The following PITPNB variants were observed in gnomAD, a reference collection of about 807,000 sequenced individuals.
PITPNB encodes phosphatidylinositol transfer protein beta isoform.
PITPNB carries 16 observed loss-of-function variants against 45.9 expected under a neutral mutation model. That is an observed-to-expected ratio of 0.35 (90% CI 0.24 to 0.53). The LOEUF is 0.53. Ranked by LOEUF, PITPNB falls within the 20% of genes least tolerant of loss-of-function variation. The pLI, the probability that PITPNB is intolerant of heterozygous loss-of-function variation, is 0.93. For synonymous variants in PITPNB, 112 were observed against 108.9 expected (o/e 1.03, Z -0.18); for missense variants, 188 against 330.5 (o/e 0.57, Z 3.34).
At chr22:27,918,812 C>T (rs1328744192) in intron 1 of PITPNB, among the ~76,000 whole-genome samples, 3 of 152,194 alleles carry the variant, frequency 2.0e-5, no homozygotes, top group Non-Finnish European at 4.4e-5. Context: ...CGGACTGCGG[C>T]TCCTTCCCAC....
chr22:27,857,214 A>G (rs1467249532), intron 10 of PITPNB, among the ~76,000 whole-genome samples: 1 of 152,202 alleles, frequency 6.6e-6, no homozygotes, highest in African/African-American at 2.4e-5. Context: ...TCTCTATGGG[A>G]AAATATGTTC....
intron 8 of PITPNB, among the ~76,000 whole-genome samples, chr22:27,872,935 T>C (rs574918545): frequency 2.6e-5 from 4 of 152,362 alleles, no homozygotes. Context: ...TGACATTACC[T>C]TACTTCCATG....
intron 1 of PITPNB, 161 bp downstream of exon 1, chr22:27,919,011 C>T (rs1601439804): frequency 3.9e-6 from 4 of 1,021,530 alleles, no homozygotes; most frequent in Non-Finnish European, 6.0e-6. Flanking sequence ...GGGGCGCACT[C>T]GCTGAGGGGC....
At chr22:27,860,051 A>G (rs767348189) in intron 9 of PITPNB, 80 bp downstream of exon 9, 31 of 776,018 alleles carry the variant, frequency 4.0e-5, no homozygotes, top group Non-Finnish European at 6.0e-5. Flanking sequence ...AAAAAAAGTA[A>G]TAACAGAGAA....
chr22:27,889,824 T>C (rs1362357636), intron 7 of PITPNB, among the ~76,000 whole-genome samples: 2 of 152,246 alleles, frequency 1.3e-5, no homozygotes, highest in Non-Finnish European at 2.9e-5. Flanking sequence ...ATTACCGTTT[T>C]AGAATAGCAA....
Position 27,919,209 on chromosome 22 carries a change from A to G in PITPNB, c.-18T>C, listed in dbSNP as rs1174136164. The G allele has an allele frequency of 7.5e-6, 12 of 1,609,788 alleles. No homozygotes were observed. Among genetic ancestry groups the G allele is most frequent in the Non-Finnish European group, 9.3e-6 (11 of 1,177,316 alleles). ...AGCACCATCTTCCCGGAACCCCCTCACAGCTGCCGCCGATACCACCGCCGC... is the reference window on the plus strand; with the variant it reads ...AGCACCATCTTCCCGGAACCCCCTCGCAGCTGCCGCCGATACCACCGCCGC... On this transcript the variant is annotated 5_prime_UTR_variant, in exon 1 of 12. Coordinates refer to ENST00000335272, the MANE Select transcript of PITPNB (RefSeq NM_012399.5).
Position 27,901,068 on chromosome 22 carries a change from A to G in PITPNB, c.198-3176T>C, listed in dbSNP as rs567527226. Among the ~76,000 whole-genome samples the G allele has an allele frequency of 5.7e-4, 86 of 152,012 alleles. 1 individual carries two copies. The South Asian group carries it at 0.018, about 31-fold the overall frequency. Reference sequence around the variant, plus strand: ...ACTATTCACAAAATGGTGCTCCCTCATGATAAACCAATACTCGGAACAGCG... The same window carrying G: ...ACTATTCACAAAATGGTGCTCCCTCGTGATAAACCAATACTCGGAACAGCG... On this transcript the variant is annotated intron_variant, in intron 3 of 11. Transcript: ENST00000335272.
chr22:27,889,097 C>A (rs1226555637), intron 7 of PITPNB, among the ~76,000 whole-genome samples: 1 of 152,192 alleles, frequency 6.6e-6, no homozygotes, highest in Non-Finnish European at 1.5e-5. Flanking sequence ...TAACGACAAG[C>A]AAGCACAACT....
At chr22:27,867,372 T>A (rs566380051) in intron 8 of PITPNB, among the ~76,000 whole-genome samples, 5 of 152,248 alleles carry the variant, frequency 3.3e-5, no homozygotes, top group Admixed American at 2.6e-4. Context: ...GGAAGTCCCA[T>A]CTGGTGGGGT....
At position 27,856,056 on chromosome 22, in the gene PITPNB, G is replaced by C. The variant is rs111882246; in HGVS notation, c.769-1117C>G. On this transcript the variant is annotated intron_variant, in intron 10 of 11. Transcript: ENST00000335272. Reference sequence around the variant, plus strand: ...CAGCAGCATCTTGATTCTGTGTGTGGAACCAAGCACTCCCCAATGACCTAC... The same window carrying C: ...CAGCAGCATCTTGATTCTGTGTGTGCAACCAAGCACTCCCCAATGACCTAC... Among the ~76,000 whole-genome samples the C allele has an allele frequency of 8.2e-4, 125 of 152,228 alleles. 1 individual carries two copies. Among genetic ancestry groups the C allele is most frequent in the African/African-American group, 2.7e-3 (114 of 41,546 alleles).
intron 3 of PITPNB, among the ~76,000 whole-genome samples, chr22:27,898,484 A>G (rs1442427093): frequency 6.6e-6 from 1 of 151,866 alleles, no homozygotes; most frequent in Non-Finnish European, 1.5e-5. Context: ...CTACTACCCC[A>G]ATGTAAAACC....
intron 8 of PITPNB, among the ~76,000 whole-genome samples, chr22:27,869,316 T>C (rs1447784421): frequency 6.6e-6 from 1 of 152,146 alleles, no homozygotes; most frequent in Non-Finnish European, 1.5e-5. Context: ...AATATACAAC[T>C]GAGGCCTGCA....
chr22:27,912,118 T>C (rs892373347), intron 2 of PITPNB, among the ~76,000 whole-genome samples: 2 of 152,204 alleles, frequency 1.3e-5, no homozygotes, highest in African/African-American at 4.8e-5. Flanking sequence ...ACTACAAAAA[T>C]CTACCTCTAA....
At chr22:27,893,733 G>A (rs566180892) in intron 7 of PITPNB, among the ~76,000 whole-genome samples, 3 of 151,970 alleles carry the variant, frequency 2.0e-5, no homozygotes, top group Admixed American at 6.6e-5. Flanking sequence ...TGGAATTACA[G>A]GCACATGCCA....
At chr22:27,877,915 G>A (rs1041824883) in intron 7 of PITPNB, among the ~76,000 whole-genome samples, 8 of 152,170 alleles carry the variant, frequency 5.3e-5, no homozygotes, top group Non-Finnish European at 1.2e-4. Flanking sequence ...ACAAGCATTA[G>A]CAACTCCTTG....
Position 27,919,053 on chromosome 22 carries a change from C to T in PITPNB, c.20+119G>A, listed in dbSNP as rs1385422492. On this transcript the variant is annotated intron_variant, in intron 1 of 11. Coordinates refer to ENST00000335272, the MANE Select transcript of PITPNB (RefSeq NM_012399.5). ...GGGGCCGGGGGAGGGAGGGGGCGCC[C>T]GCAGGGAGGGGCTGACACAGGGCTG... is the stretch of plus-strand genomic sequence containing the variant. 6 of 1,519,826 alleles carry T rather than the reference C, an allele frequency of 3.9e-6. No individual in the cohort carries two copies. In the Admixed American group the frequency reaches 8.3e-5, roughly 21 times the overall value. 94.1% of individuals were successfully genotyped at this position (1,519,826 alleles called of 1,614,324 possible).
At chr22:27,919,091 G>C in intron 1 of PITPNB, 81 bp downstream of exon 1, 1 of 1,609,798 alleles carries the variant, frequency 6.2e-7, no homozygotes, top group Non-Finnish European at 8.5e-7. Context: ...TCCGATTTAG[G>C]AATATCCTAC....
intron 8 of PITPNB, among the ~76,000 whole-genome samples, chr22:27,869,102 C>A (rs531661352): frequency 6.6e-6 from 1 of 152,016 alleles, no homozygotes; most frequent in Non-Finnish European, 1.5e-5. Flanking sequence ...CACAAACACA[C>A]GTGCACACAG....
chr22:27,859,980 G>C lies in PITPNB; in HGVS notation c.645+151C>G, dbSNP rs1392547463. On this transcript the variant is annotated intron_variant, in intron 9 of 11. Coordinates refer to ENST00000335272, the MANE Select transcript of PITPNB (RefSeq NM_012399.5). ...CTGCCATCTGTCTTTGCTGCTTTGA[G>C]GTATAAAGAAGGGCTGAAATGAATT... 4 of 556,474 alleles carry C rather than the reference G, an allele frequency of 7.2e-6. No homozygotes were observed. The Admixed American group carries it at 1.2e-4, about 16-fold the overall frequency. 34.5% of individuals were successfully genotyped at this position (556,474 alleles called of 1,614,324 possible).
Sources: gnomAD v4.1 joint callset for allele counts (sites outside exome capture counted in the v4.1 genomes callset) on GRCh38, gnomAD v4.1.1 for gene constraint, MANE v1.5 for transcripts, NCBI Gene and HGNC (gene_info 2026-07-23, HGNC 2026-07-21) for gene names.